Variants in PHF24 observed in about 807,000 individuals in gnomAD.
The protein encoded by PHF24 is Galpha inhibitory interacting protein.
In PHF24, 25 loss-of-function variants were observed where a neutral mutation model predicts 42.6. That is an observed-to-expected ratio of 0.59 (90% CI 0.43 to 0.82). The LOEUF is 0.82. Among genes scored for constraint, PHF24 ranks in the 40% least tolerant of loss-of-function variants. PHF24 has a pLI of 0.00. For synonymous variants in PHF24, 185 were observed against 204.8 expected, an observed-to-expected ratio of 0.90 and a Z score of 0.83; for missense variants, 470 against 538.1, an observed-to-expected ratio of 0.87 and a Z score of 1.25.
chr9:34,971,452 G>A (rs755638582), exon 2 of PHF24: 27 of 1,614,052 alleles, frequency 1.7e-5, no homozygotes, highest in African/African-American at 2.7e-5. Flanking sequence ...AGAGGGCTCC[G>A]TCCAGGAGGT....
the PHF24 span, among the ~76,000 whole-genome samples, chr9:34,734,322 G>A: frequency 6.6e-6 from 1 of 152,200 alleles, no homozygotes; most frequent in Non-Finnish European, 1.5e-5. Flanking sequence ...AGAAATGCTG[G>A]GACTTACAAG....
At position 34,977,573 on chromosome 9, in the gene PHF24, T is replaced by A. The variant is rs1425561170; in HGVS notation, c.1038T>A (p.Asp346Glu). 3.1e-6 allele frequency: 5 copies of A among 1,609,724 alleles called. No homozygotes were observed. In the Admixed American group the frequency reaches 8.4e-5, roughly 27 times the overall value. ...TCAGCCATGTGGGTCCCATCGCAGA[T>A]AGCAGCCCAGCCAGCAGCAGCAGCA... is the stretch of plus-strand genomic sequence containing the variant. Residue 346 changes from aspartate (D) to glutamate (E), a missense_variant, in exon 7 of 8, where the codon GAT becomes GAA. Physicochemically the swap from Asp to Glu is conservative, Grantham distance 45. Transcript: ENST00000242315.
the PHF24 span, among the ~76,000 whole-genome samples, chr9:34,852,748 A>G: frequency 2.0e-5 from 3 of 152,054 alleles, no homozygotes; most frequent in Non-Finnish European, 1.5e-5. Context: ...ATGTTTTTGT[A>G]TGTACTTGTT....
the PHF24 span, chr9:34,678,273 G>A: frequency 2.0e-5 from 3 of 151,892 alleles, no homozygotes; most frequent in African/African-American, 7.4e-5. Context: ...GATCGTGTGA[G>A]GTAATACTTA....
chr9:34,757,427 G>T, the PHF24 span, among the ~76,000 whole-genome samples: 1 of 152,100 alleles, frequency 6.6e-6, no homozygotes, highest in South Asian at 2.1e-4. Context: ...TTTTGGCAGG[G>T]TATAGTTTGG....
At chr9:34,672,289 G>A in the PHF24 span, among the ~76,000 whole-genome samples, 1 of 152,114 alleles carries the variant, frequency 6.6e-6, no homozygotes, top group Non-Finnish European at 1.5e-5. Context: ...TGTATCACAA[G>A]TACAGTTAAC....
chr9:34,694,380 G>A, the PHF24 span, among the ~76,000 whole-genome samples: 1 of 151,284 alleles, frequency 6.6e-6, no homozygotes, highest in East Asian at 1.9e-4. Flanking sequence ...ACCCAGGCTG[G>A]AGTGCAATGG....
At chr9:34,706,939 A>G in the PHF24 span, among the ~76,000 whole-genome samples, 1 of 151,938 alleles carries the variant, frequency 6.6e-6, no homozygotes, top group Non-Finnish European at 1.5e-5. Flanking sequence ...ACAGTGAGCT[A>G]TGATCCTACC....
the PHF24 span, among the ~76,000 whole-genome samples, chr9:34,809,478 C>T: frequency 1.6e-4 from 24 of 152,282 alleles, no homozygotes; most frequent in Admixed American, 4.6e-4. This position sits in a 1 kb window ranked among gnomAD's most constrained non-coding sequence, Gnocchi z 4.1. Context: ...GTGGGTTACA[C>T]GACAGCCCAG....
At chr9:34,785,893 T>G in the PHF24 span, among the ~76,000 whole-genome samples, 2 of 152,306 alleles carry the variant, frequency 1.3e-5, no homozygotes, top group East Asian at 3.9e-4. Flanking sequence ...GGAACATAAT[T>G]AGATATTGGA....
chr9:34,890,243 TG>T, the PHF24 span, among the ~76,000 whole-genome samples: 1 of 152,230 alleles, frequency 6.6e-6, no homozygotes, highest in African/African-American at 2.4e-5. Flanking sequence ...TCTCTCTGGC[TG>T]GGGAGAGCTC....
the PHF24 span, among the ~76,000 whole-genome samples, chr9:34,843,504 AAGTCTTG>A: frequency 6.6e-6 from 1 of 152,218 alleles, no homozygotes; most frequent in African/African-American, 2.4e-5. Context: ...GTTTTATACT[AAGTCTTG>A]AAGTCAGGTG....
the PHF24 span, among the ~76,000 whole-genome samples, chr9:34,806,245 C>T: frequency 6.6e-6 from 1 of 151,918 alleles, no homozygotes; most frequent in East Asian, 1.9e-4. Context: ...CTATCGCTTT[C>T]TAAAACAATG....
the PHF24 span, among the ~76,000 whole-genome samples, chr9:34,928,541 C>A: frequency 5.9e-5 from 9 of 152,256 alleles, no homozygotes; most frequent in East Asian, 1.7e-3. Flanking sequence ...TAAACCTTTC[C>A]TATCAGGCCA....
chr9:34,706,948 C>T, the PHF24 span, among the ~76,000 whole-genome samples: 6 of 151,532 alleles, frequency 4.0e-5, no homozygotes, highest in Non-Finnish European at 8.8e-5. Flanking sequence ...TATGATCCTA[C>T]CTTTGCACTC....
chr9:34,666,358 C>T, the PHF24 span, among the ~76,000 whole-genome samples: 2 of 152,094 alleles, frequency 1.3e-5, no homozygotes, highest in Non-Finnish European at 1.5e-5. Flanking sequence ...GGGCTTCTGC[C>T]CTGCCGAGTG....
chr9:34,668,890 C>G, the PHF24 span, among the ~76,000 whole-genome samples: 1 of 102,130 alleles, frequency 9.8e-6, no homozygotes, highest in Non-Finnish European at 2.1e-5. Context: ...TGCTTCTGCC[C>G]TATTGTTTAT....
the PHF24 span, among the ~76,000 whole-genome samples, chr9:34,874,490 C>T: frequency 6.6e-6 from 1 of 152,164 alleles, no homozygotes; most frequent in African/African-American, 2.4e-5. Context: ...AGGATCTAAC[C>T]AATTCACCAT....
chr9:34,777,274 G>A, the PHF24 span, among the ~76,000 whole-genome samples: 1 of 152,208 alleles, frequency 6.6e-6, no homozygotes, highest in Non-Finnish European at 1.5e-5. Context: ...TGGGAAGCCA[G>A]CATGGTGAGG....
Sources: allele counts gnomAD v4.1 joint callset (sites outside exome capture counted in the v4.1 genomes callset), GRCh38; gene constraint gnomAD v4.1.1; non-coding constraint Gnocchi (gnomAD v3.1); transcripts MANE v1.5; gene names NCBI Gene and HGNC (gene_info 2026-07-23, HGNC 2026-07-21).